The following HIPK2 variants were observed in gnomAD, a reference collection of about 807,000 sequenced individuals.
HIPK2 encodes homeodomain-interacting protein kinase 2.
Under a neutral mutation model 113.7 loss-of-function variants are expected in HIPK2, and 27 were observed. The ratio of observed to expected loss-of-function variants is 0.24; its 90% confidence interval spans 0.17 to 0.33. The LOEUF (loss-of-function observed/expected upper bound fraction) is 0.33, where lower values mean the gene tolerates loss of function less well. Among genes scored for constraint, HIPK2 ranks in the 10% least tolerant of loss-of-function variants. HIPK2 has a pLI of 1.00. For synonymous variants in HIPK2, 631 were observed against 642.2 expected, an observed-to-expected ratio of 0.98 and a Z score of 0.26; for missense variants, 1,257 against 1,588.0, an observed-to-expected ratio of 0.79 and a Z score of 3.54.
intron 1 of HIPK2, among the ~76,000 whole-genome samples, chr7:139,721,796 G>A (rs1795418042): frequency 6.6e-6 from 1 of 152,156 alleles, no homozygotes; most frequent in African/African-American, 2.4e-5. Context: ...TCGAGCCCAT[G>A]GGGAGCAGTA....
In HIPK2 at chr7:139,568,481, C is replaced by A. The variant is rs1010810667; in HGVS notation, c.*4446G>T. On this transcript the variant is annotated 3_prime_UTR_variant, in exon 15 of 15. Coordinates refer to ENST00000406875, the MANE Select transcript of HIPK2 (RefSeq NM_022740.5). ...AGAGACATGGGGGCCCACGTCCAGA[C>A]GGGCCAGTCAGAACCCAGTGAGCAG... 6.6e-6 allele frequency: 1 copy of A among 152,236 alleles called. No individual in the cohort carries two copies. The highest frequency in any genetic ancestry group is 1.5e-5 in the Non-Finnish European group (1 of 68,078). 9.4% of individuals were successfully genotyped at this position (152,236 alleles called of 1,614,324 possible). A position where few individuals can be genotyped will look rare whatever the true frequency, so the allele number is the denominator to read the frequency against.
At chr7:139,642,490 T>C (rs1801061215) in intron 2 of HIPK2, among the ~76,000 whole-genome samples, 1 of 152,182 alleles carries the variant, frequency 6.6e-6, no homozygotes, top group Non-Finnish European at 1.5e-5. Flanking sequence ...CAACACGCCC[T>C]GTGACCACAG....
In HIPK2 at chr7:139,566,990, A is replaced by G. The variant is rs1470883608; in HGVS notation, c.*5937T>C. The G allele has an allele frequency of 1.3e-5, 2 of 152,086 alleles. No homozygotes were observed. The highest frequency in any genetic ancestry group is 4.8e-5 in the African/African-American group (2 of 41,392). 9.4% of individuals were successfully genotyped at this position (152,086 alleles called of 1,614,324 possible). A position where few individuals can be genotyped will look rare whatever the true frequency, so the allele number is the denominator to read the frequency against. On this transcript the variant is annotated 3_prime_UTR_variant, in exon 15 of 15. Transcript: ENST00000406875. This position sits in a 1 kb window ranked among gnomAD's most constrained non-coding sequence, Gnocchi z 4.1. The stretch of plus-strand genomic sequence containing the variant: ...AGAACGGCCTGGAGTTCTTTTTTGA[A>G]CTTTTCAGAAGCTGCAACAAGAGAA...
chr7:139,670,140 G>A (rs572369520), intron 2 of HIPK2, among the ~76,000 whole-genome samples: 69 of 152,194 alleles, frequency 4.5e-4, no homozygotes, highest in Admixed American at 1.4e-3. Context: ...TTTGAGAGGC[G>A]GGCCTGAGAA....
chr7:139,777,508 C>CG (rs945936865), intron 1 of HIPK2, 97 bp downstream of exon 1: 278 of 416,324 alleles, frequency 6.7e-4, no homozygotes, highest in Non-Finnish European at 8.6e-4. Flanking sequence ...CTGGGGCAGG[C>CG]GCCGGGGGCT....
At chr7:139,769,895 C>A (rs1319170252) in intron 1 of HIPK2, among the ~76,000 whole-genome samples, 1 of 152,194 alleles carries the variant, frequency 6.6e-6, no homozygotes, top group Non-Finnish European at 1.5e-5. Flanking sequence ...ACTGATGAAT[C>A]TTTTCCTGAT....
intron 13 of HIPK2, among the ~76,000 whole-genome samples, chr7:139,579,078 A>G (rs1344160408): frequency 1.3e-5 from 2 of 152,238 alleles, no homozygotes; most frequent in Non-Finnish European, 2.9e-5. Flanking sequence ...GGAAAGATGA[A>G]ATAACTGAGT....
intron 2 of HIPK2, among the ~76,000 whole-genome samples, chr7:139,656,489 T>G (rs902276289): frequency 6.6e-6 from 1 of 152,250 alleles, no homozygotes; most frequent in Non-Finnish European, 1.5e-5. Context: ...ACTACTCCCT[T>G]GGCCTGGGCC....
intron 2 of HIPK2, among the ~76,000 whole-genome samples, chr7:139,671,695 C>T (rs573726752): frequency 2.7e-4 from 41 of 152,244 alleles, no homozygotes; most frequent in Non-Finnish European, 3.7e-4. Context: ...GGATTACAGG[C>T]GCACGCCACC....
At chr7:139,677,214 TAG>T in intron 2 of HIPK2, among the ~76,000 whole-genome samples, 1 of 151,148 alleles carries the variant, frequency 6.6e-6, no homozygotes, top group East Asian at 2.0e-4. Flanking sequence ...TGTGTGTATG[TAG>T]AGAGAGAGGG....
chr7:139,668,487 G>A (rs548502178), intron 2 of HIPK2, among the ~76,000 whole-genome samples: 9 of 151,610 alleles, frequency 5.9e-5, no homozygotes, highest in South Asian at 4.2e-4. Flanking sequence ...GCGTGAACCC[G>A]GGAGGCAGAG....
intron 1 of HIPK2, among the ~76,000 whole-genome samples, chr7:139,760,478 T>C (rs1253661899): frequency 6.6e-6 from 1 of 152,220 alleles, no homozygotes; most frequent in Non-Finnish European, 1.5e-5. Flanking sequence ...TAGAACACAG[T>C]ATTTTTAATA....
At chr7:139,755,839 T>C (rs1796353115) in intron 1 of HIPK2, among the ~76,000 whole-genome samples, 1 of 152,274 alleles carries the variant, frequency 6.6e-6, no homozygotes, top group South Asian at 2.1e-4. Context: ...TTTCCAGCCA[T>C]TGATTCGAGT....
intron 1 of HIPK2, among the ~76,000 whole-genome samples, chr7:139,775,125 AT>A (rs2117187672): frequency 6.6e-6 from 1 of 152,328 alleles, no homozygotes; most frequent in South Asian, 2.1e-4. Flanking sequence ...GAGAAGAATC[AT>A]GCACACTCTT....
intron 2 of HIPK2, among the ~76,000 whole-genome samples, chr7:139,697,691 T>C (rs1794602688): frequency 6.6e-6 from 1 of 152,132 alleles, no homozygotes; most frequent in East Asian, 1.9e-4. Flanking sequence ...CTTTTTAAAG[T>C]GAACAACTCA....
chr7:139,604,004 T>C, intron 10 of HIPK2, 77 bp downstream of exon 10: 2 of 1,586,498 alleles, frequency 1.3e-6, no homozygotes, highest in Non-Finnish European at 1.7e-6. Context: ...CAGGCCAGCC[T>C]GGCAGCCCTG....
At chr7:139,632,807 G>A (rs1316731526) in intron 2 of HIPK2, among the ~76,000 whole-genome samples, 1 of 152,108 alleles carries the variant, frequency 6.6e-6, no homozygotes, top group Non-Finnish European at 1.5e-5. Context: ...GCCAGGCACG[G>A]TGGCTCATGC....
At chr7:139,697,144 C>G (rs1156747631) in intron 2 of HIPK2, among the ~76,000 whole-genome samples, 1 of 152,212 alleles carries the variant, frequency 6.6e-6, no homozygotes, top group Non-Finnish European at 1.5e-5. Context: ...TCTTGTAAGA[C>G]AGAGAGAGCA....
intron 1 of HIPK2, among the ~76,000 whole-genome samples, chr7:139,729,486 G>GTGGC (rs1795705540): frequency 6.6e-6 from 1 of 152,180 alleles, no homozygotes; most frequent in Non-Finnish European, 1.5e-5. Flanking sequence ...CACCTCAAGA[G>GTGGC]TGGCTGGCAG....
Sources: allele counts gnomAD v4.1 joint callset (sites outside exome capture counted in the v4.1 genomes callset), GRCh38; gene constraint gnomAD v4.1.1; non-coding constraint Gnocchi (gnomAD v3.1); transcripts MANE v1.5; gene names NCBI Gene and HGNC (gene_info 2026-07-23, HGNC 2026-07-21).